Variants in NFIB observed in about 807,000 individuals in gnomAD.
NFIB encodes nuclear factor I B, also known as nuclear factor 1 B-type.
NFIB carries 11 observed loss-of-function variants against 61.5 expected under a neutral mutation model. The observed-to-expected ratio is 0.18, with a 90% CI of 0.11 to 0.30. The LOEUF (loss-of-function observed/expected upper bound fraction) is 0.30, where lower values mean the gene tolerates loss of function less well. Ranked by LOEUF, NFIB falls within the 10% of genes least tolerant of loss-of-function variation. The probability of loss-of-function intolerance (pLI) is 1.00; values close to 1 mark genes in which losing one functional copy is unlikely to be tolerated. For missense variants in NFIB, 471 were observed against 608.9 expected, an observed-to-expected ratio of 0.77 and a Z score of 2.38; for synonymous variants, 260 against 216.5, an observed-to-expected ratio of 1.20 and a Z score of -1.76.
At chr9:14,499,355 TG>T in the NFIB span, among the ~76,000 whole-genome samples, 35 of 152,088 alleles carry the variant, frequency 2.3e-4, 1 homozygote, top group African/African-American at 8.2e-4. Context: ...CAGTGGAAGC[TG>T]GGAAGGTGGT....
At chr9:14,211,578 T>G (rs1235495865) in intron 2 of NFIB, among the ~76,000 whole-genome samples, 1 of 152,164 alleles carries the variant, frequency 6.6e-6, no homozygotes, top group African/African-American at 2.4e-5. Context: ...CTGGACAAAC[T>G]GCAATTTGAA....
At chr9:14,488,580 G>C in the NFIB span, among the ~76,000 whole-genome samples, 2 of 152,062 alleles carry the variant, frequency 1.3e-5, no homozygotes, top group Non-Finnish European at 2.9e-5. Context: ...GCTCTGGGAA[G>C]CAAGAATAAC....
At position 14,083,791 on chromosome 9, in the gene NFIB, C is replaced by T. The variant is rs1163208189; in HGVS notation, c.*4518G>A. The stretch of plus-strand genomic sequence containing the variant: ...CCCTGTGCAATCTCTTTCGTTGAGT[C>T]CTTATGAAGCTACAAGTCACAAATC... On this transcript the variant is annotated 3_prime_UTR_variant, in exon 11 of 11. Coordinates refer to ENST00000380953, the MANE Select transcript of NFIB (RefSeq NM_001190737.2). The T allele has an allele frequency of 8.8e-6, 2 of 226,452 alleles. No individual in the cohort carries two copies. The highest frequency in any genetic ancestry group is 1.8e-5 in the Non-Finnish European group (2 of 113,686). The allele number at this position is 226,452 out of a possible 1,614,324, so 14.0% of individuals were successfully genotyped here. A position where few individuals can be genotyped will look rare whatever the true frequency, so the allele number is the denominator to read the frequency against.
At chr9:14,379,298 T>A (rs2061456516) in intron 1 of NFIB, among the ~76,000 whole-genome samples, 1 of 151,932 alleles carries the variant, frequency 6.6e-6, no homozygotes, top group Non-Finnish European at 1.5e-5. Flanking sequence ...GGAGTGGGAG[T>A]GGAAAGACAG....
chr9:14,315,031 C>T (rs1028857040), upstream of NFIB, among the ~76,000 whole-genome samples: 8 of 152,034 alleles, frequency 5.3e-5, no homozygotes, highest in South Asian at 1.2e-3. Flanking sequence ...CGCGGACACT[C>T]GCACCCGGGG....
At chr9:14,137,171 C>G (rs1401590271) in intron 6 of NFIB, among the ~76,000 whole-genome samples, 1 of 152,146 alleles carries the variant, frequency 6.6e-6, no homozygotes, top group East Asian at 1.9e-4. Context: ...ATAAATGTTG[C>G]TGTCTGGCTG....
At chr9:14,475,366 T>C in the NFIB span, among the ~76,000 whole-genome samples, 1 of 152,282 alleles carries the variant, frequency 6.6e-6, no homozygotes, top group Admixed American at 6.5e-5. Context: ...ACCATTAGTG[T>C]GATAAAATGA....
Position 14,158,715 on chromosome 9 carries a change from T to C in NFIB, c.617-2822A>G, listed in dbSNP as rs533036802. On this transcript the variant is annotated intron_variant, in intron 3 of 10. Coordinates refer to ENST00000380953, the MANE Select transcript of NFIB (RefSeq NM_001190737.2). ...ATTTATGGATAATTATACTAACCTC[T>C]GTTATTCCCTAGAACTTGTTTGCTG... 2.6e-5 allele frequency among the ~76,000 whole-genome samples: 4 copies of C among 152,348 alleles called. No homozygotes were observed. The South Asian group carries it at 8.3e-4, about 32-fold the overall frequency.
At chr9:14,338,806 C>T (rs2060915609) in intron 1 of NFIB, among the ~76,000 whole-genome samples, 1 of 151,702 alleles carries the variant, frequency 6.6e-6, no homozygotes, top group Non-Finnish European at 1.5e-5. Context: ...TTCATCCATC[C>T]ATCTATCTAT....
chr9:14,193,714 G>A (rs1289996100), intron 2 of NFIB, among the ~76,000 whole-genome samples: 1 of 152,156 alleles, frequency 6.6e-6, no homozygotes, highest in East Asian at 1.9e-4. Context: ...GGATATATAT[G>A]AACTCACAGT....
intron 2 of NFIB, among the ~76,000 whole-genome samples, chr9:14,254,565 G>C (rs886446640): frequency 2.0e-4 from 30 of 152,180 alleles, no homozygotes; most frequent in African/African-American, 7.0e-4. Flanking sequence ...GAAATGATGA[G>C]GCTAATTTAT....
chr9:14,391,632 A>T (rs893520103), intron 1 of NFIB, among the ~76,000 whole-genome samples: 4 of 152,146 alleles, frequency 2.6e-5, no homozygotes, highest in African/African-American at 9.7e-5. Context: ...GCACACGTAC[A>T]ACTTCAGTAA....
chr9:14,508,750 T>A, the NFIB span, among the ~76,000 whole-genome samples: 1 of 152,208 alleles, frequency 6.6e-6, no homozygotes, highest in Non-Finnish European at 1.5e-5. Context: ...TTGGACTCCA[T>A]AAACCAAAAA....
chr9:14,422,854 G>A, the NFIB span, among the ~76,000 whole-genome samples: 1 of 152,214 alleles, frequency 6.6e-6, no homozygotes, highest in African/African-American at 2.4e-5. Context: ...AAGAAGGGAA[G>A]GGTCAGGAGG....
intron 2 of NFIB, among the ~76,000 whole-genome samples, chr9:14,226,471 G>A (rs1009735105): frequency 1.1e-4 from 16 of 150,930 alleles, no homozygotes; most frequent in African/African-American, 2.2e-4. Context: ...TCTCTTGAAC[G>A]CATGCGGTGG....
At chr9:14,256,325 A>T (rs2056215952) in intron 2 of NFIB, among the ~76,000 whole-genome samples, 1 of 152,190 alleles carries the variant, frequency 6.6e-6, no homozygotes, top group South Asian at 2.1e-4. Context: ...TCTAAGAAAA[A>T]AAATTATTAA....
At chr9:14,218,530 G>A (rs1168783476) in intron 2 of NFIB, among the ~76,000 whole-genome samples, 2 of 152,200 alleles carry the variant, frequency 1.3e-5, no homozygotes, top group Admixed American at 6.5e-5. Flanking sequence ...AGAACTCCAA[G>A]TTGGGCTTCT....
At chr9:14,139,524 C>G (rs538803756) in intron 6 of NFIB, among the ~76,000 whole-genome samples, 2 of 152,128 alleles carry the variant, frequency 1.3e-5, no homozygotes, top group African/African-American at 4.8e-5. Context: ...AGCTAGAAAC[C>G]CAGTATTAAA....
chr9:14,371,765 G>T (rs1220972517), intron 1 of NFIB, among the ~76,000 whole-genome samples: 2 of 152,158 alleles, frequency 1.3e-5, no homozygotes, highest in African/African-American at 4.8e-5. Context: ...GCTCTCCAGG[G>T]CTCCAGTGAC....
Sources: allele counts gnomAD v4.1 joint callset (sites outside exome capture counted in the v4.1 genomes callset), GRCh38; gene constraint gnomAD v4.1.1; transcripts MANE v1.5; gene names NCBI Gene and HGNC (gene_info 2026-07-23, HGNC 2026-07-21).